The following OTUD7B variants were observed in gnomAD, a reference collection of about 807,000 sequenced individuals.
OTUD7B encodes OTU deubiquitinase 7B, also known as OTU domain-containing protein 7B.
In OTUD7B, 34 loss-of-function variants were observed where a neutral mutation model predicts 82.2. The ratio of observed to expected loss-of-function variants is 0.41; its 90% CI spans 0.31 to 0.55. OTUD7B has a LOEUF of 0.55. Ranked by LOEUF, OTUD7B falls within the 20% of genes least tolerant of loss-of-function variation. OTUD7B has a pLI of 0.20. For missense variants in OTUD7B, 944 were observed against 1,062.1 expected (o/e 0.89, Z 1.55); for synonymous variants, 398 against 402.7 (o/e 0.99, Z 0.14).
intron 2 of OTUD7B, among the ~76,000 whole-genome samples, chr1:149,977,157 T>C (rs4492661): frequency 0.011 from 1,700 of 152,194 alleles, 39 homozygotes; most frequent in African/African-American, 0.039. Flanking sequence ...AATAAAATTA[T>C]GTTTGTAATG....
chr1:150,028,804 G>A, the OTUD7B span, among the ~76,000 whole-genome samples: 20 of 152,190 alleles, frequency 1.3e-4, no homozygotes, highest in African/African-American at 4.8e-4. Context: ...CCAAGAAGCT[G>A]GGATTACAGG....
rs911819580 is a variant in OTUD7B at position 149,938,066 on chromosome 1, G to A, written c.*5791C>T. ...GTGGCCCAGAAGCCTGATTCTAGAA[G>A]TCCTAAAGGCTACAGAGCACCACCA... On this transcript the variant is annotated 3_prime_UTR_variant, in exon 12 of 12. Transcript: ENST00000581312. 2.0e-5 allele frequency: 3 copies of A among 152,328 alleles called. No individual in the cohort carries two copies. The highest frequency in any genetic ancestry group is 2.9e-5 in the Non-Finnish European group (2 of 68,080). The allele number at this position is 152,328 out of a possible 1,614,324, so 9.4% of individuals were successfully genotyped here.
chr1:150,022,170 G>A, the OTUD7B span, among the ~76,000 whole-genome samples: 1 of 152,068 alleles, frequency 6.6e-6, no homozygotes, highest in African/African-American at 2.4e-5. Context: ...GGCTGAGGCA[G>A]GTGGATCACC....
Position 149,977,639 on chromosome 1 carries a change from G to A in OTUD7B, c.-66-63C>T, listed in dbSNP as rs1345897165. ...TGGAACAGGATAATCACAGTCCCAT[G>A]TCAGCAGCTTCCTAACCAAATGGGG... On this transcript the variant is annotated intron_variant, in intron 1 of 11. Coordinates refer to ENST00000581312, the MANE Select transcript of OTUD7B (RefSeq NM_020205.4). 7 of 659,034 alleles carry A rather than the reference G, an allele frequency of 1.1e-5. No homozygotes were observed. The Admixed American group carries it at 1.5e-4, about 14-fold the overall frequency. 40.8% of individuals were successfully genotyped at this position (659,034 alleles called of 1,614,324 possible). A position where few individuals can be genotyped will look rare whatever the true frequency, so the allele number is the denominator to read the frequency against.
chr1:149,949,978 T>C (rs1327688400), intron 8 of OTUD7B, 116 bp downstream of exon 8: 23 of 1,442,416 alleles, frequency 1.6e-5, no homozygotes, highest in Non-Finnish European at 2.1e-5. Context: ...AATTGATAAC[T>C]TGCTTTTTCC....
At chr1:149,992,467 G>GTTTTT (rs1166098299) in intron 1 of OTUD7B, among the ~76,000 whole-genome samples, 4,390 of 61,558 alleles carry the variant, frequency 0.071, 1,600 homozygotes, top group Middle Eastern at 0.13. Flanking sequence ...GTGTGCATGT[G>GTTTTT]TTTTTTTTTT....
At chr1:149,960,322 T>A (rs1410913214) in intron 6 of OTUD7B, among the ~76,000 whole-genome samples, 2 of 151,788 alleles carry the variant, frequency 1.3e-5, no homozygotes, top group African/African-American at 2.4e-5. Flanking sequence ...TCCACTACCA[T>A]CTGTATGGTA....
intron 1 of OTUD7B, among the ~76,000 whole-genome samples, chr1:149,986,294 G>A (rs181848166): frequency 6.6e-6 from 1 of 151,636 alleles, no homozygotes; most frequent in African/African-American, 2.4e-5. Flanking sequence ...TAGTCTATCA[G>A]TGTTGTACAC....
Position 149,959,743 on chromosome 1 carries a change from G to C in OTUD7B, c.786C>G (p.Ile262Met), listed in dbSNP as rs782694252. The C allele has an allele frequency of 2.5e-6, 4 of 1,614,078 alleles. No homozygotes were observed. In the South Asian group the frequency reaches 3.3e-5, roughly 13 times the overall value. Residue 262 changes from isoleucine to methionine, a missense_variant, in exon 7 of 12, where the codon ATC (isoleucine) becomes ATG (methionine). Physicochemically the swap from Ile to Met is conservative, Grantham distance 10 (BLOSUM62 1). Around this residue, in one of 3 missense-constraint regions of OTUD7B, gnomAD observed 530 missense variants for 625.6 expected, o/e 0.85. Coordinates refer to ENST00000581312, the MANE Select transcript of OTUD7B (RefSeq NM_020205.4). The stretch of plus-strand genomic sequence containing the variant: ...TTCGGGGTTCACTTGAGGCAAGCTT[G>C]ATCAGTTCATTCCACTCCTTCTGCC... ...DEWQKEWNELIKLASSEPRMH... is the reference protein window; with the variant it reads ...DEWQKEWNELMKLASSEPRMH...
chr1:150,059,447 G>A, the OTUD7B span, among the ~76,000 whole-genome samples: 159 of 148,948 alleles, frequency 1.1e-3, no homozygotes, highest in Non-Finnish European at 1.7e-3. Context: ...TCGGCTCACC[G>A]CCTCCTCCTC....
At chr1:150,040,838 T>C in the OTUD7B span, among the ~76,000 whole-genome samples, 3 of 151,468 alleles carry the variant, frequency 2.0e-5, no homozygotes, top group East Asian at 3.9e-4. Flanking sequence ...GCCTCCCAAA[T>C]AGCTGGGATT....
chr1:150,011,697 G>A (rs587763124), upstream of OTUD7B, among the ~76,000 whole-genome samples: 29 of 152,200 alleles, frequency 1.9e-4, no homozygotes, highest in African/African-American at 6.7e-4. Flanking sequence ...TGCCAACCCC[G>A]GCTATACTCT....
intron 1 of OTUD7B, among the ~76,000 whole-genome samples, chr1:149,982,022 G>A (rs1650771163): frequency 6.6e-6 from 1 of 152,018 alleles, no homozygotes; most frequent in African/African-American, 2.4e-5. Flanking sequence ...GGTGGCGGAC[G>A]CCTGTAGTCC....
At chr1:150,053,798 G>A in the OTUD7B span, 1 of 212,420 alleles carries the variant, frequency 4.7e-6, no homozygotes, top group East Asian at 9.9e-5. Flanking sequence ...AAACCACAAT[G>A]AGATACCATC....
At chr1:150,048,211 A>G in the OTUD7B span, among the ~76,000 whole-genome samples, 1 of 152,178 alleles carries the variant, frequency 6.6e-6, no homozygotes, top group Non-Finnish European at 1.5e-5. Flanking sequence ...CCCTTCCACC[A>G]GAAGTTAAAG....
At chr1:150,009,935 C>CT (rs1559871824) in intron 1 of OTUD7B, among the ~76,000 whole-genome samples, 11 of 151,950 alleles carry the variant, frequency 7.2e-5, no homozygotes, top group Admixed American at 2.0e-4. Flanking sequence ...CGTCTCTCTC[C>CT]CTCTCTCACA....
At chr1:149,977,748 T>TCTTCATTAAC (rs1295633410) in intron 1 of OTUD7B, among the ~76,000 whole-genome samples, 172 bp from the exon 2 acceptor site, 1 of 152,210 alleles carries the variant, frequency 6.6e-6, no homozygotes, top group Non-Finnish European at 1.5e-5. Flanking sequence ...ATTTCCTAAC[T>TCTTCATTAAC]CTTCATTAAC....
upstream of OTUD7B, among the ~76,000 whole-genome samples, chr1:150,013,920 CA>C (rs1207073066): frequency 5.7e-4 from 31 of 54,612 alleles, no homozygotes; most frequent in South Asian, 3.7e-3. Context: ...GACTCTGTCT[CA>C]AAAAAAAAAA....
At position 149,944,716 on chromosome 1, in the gene OTUD7B, C is replaced by T; in HGVS notation, c.1673G>A (p.Ser558Asn). The change falls in exon 12 of 12, where the codon AGC (serine) becomes AAC (asparagine). Residue 558 changes from serine to asparagine, a missense_variant. Transcript: ENST00000581312. ...LEKKKKNSLK[S>N]WKGGKEEAAG... ...TGCCTCCTCCTTGCCACCCTTCCAG[C>T]TCTTCAGTGAGTTTTTCTTCTTCTT... 1 of 1,613,838 alleles carries T rather than the reference C, an allele frequency of 6.2e-7. No homozygotes were observed. The highest frequency in any genetic ancestry group is 8.5e-7 in the Non-Finnish European group (1 of 1,179,992).
Sources: gnomAD v4.1 joint callset for allele counts (sites outside exome capture counted in the v4.1 genomes callset) on GRCh38, gnomAD v4.1.1 for gene constraint, gnomAD v4.1.1 regional missense constraint, MANE v1.5 for transcripts, NCBI Gene and HGNC (gene_info 2026-07-23, HGNC 2026-07-21) for gene names.